Variants in WWOX observed in about 807,000 individuals in gnomAD.
WWOX encodes WW domain-containing oxidoreductase.
In WWOX, 69 loss-of-function variants were observed where a neutral mutation model predicts 46.2. That is an observed-to-expected ratio of 1.49 (90% CI 1.23 to 1.82). The LOEUF (loss-of-function observed/expected upper bound fraction) is 1.82. Among genes scored for constraint, WWOX ranks in the 40% most tolerant of loss-of-function variants. The pLI is 0.00. For missense variants in WWOX, 919 were observed against 542.6 expected (o/e 1.69, Z -6.89); for synonymous variants, 359 against 202.6 (o/e 1.77, Z -6.56).
rs553334544 is a variant in WWOX at position 78,211,255 on chromosome 16, C to T, written c.516+46966C>T. On this transcript the variant is annotated intron_variant, in intron 5 of 8. Transcript: ENST00000566780. ...CTTCTCAAGAAGGCGATGGTAGAAC[C>T]GCTGGAGACTTCTTATGGCTGTGGC... is the stretch of plus-strand genomic sequence containing the variant. Among the ~76,000 whole-genome samples the T allele has an allele frequency of 3.3e-5, 5 of 152,262 alleles. No homozygotes were observed. The East Asian group carries it at 5.8e-4, about 18-fold the overall frequency.
chr16:78,466,032 G>T (rs186510059), intron 8 of WWOX, among the ~76,000 whole-genome samples: 1,813 of 131,442 alleles, frequency 0.014, 42 homozygotes, highest in African/African-American at 0.062. Flanking sequence ...GTTTTTTTTG[G>T]TTTTTTGTTT....
intron 8 of WWOX, among the ~76,000 whole-genome samples, chr16:78,484,412 C>G (rs769862502): frequency 6.6e-6 from 1 of 151,930 alleles, no homozygotes; most frequent in East Asian, 1.9e-4. Flanking sequence ...TTGAATTGGT[C>G]GATATACTCT....
intron 8 of WWOX, among the ~76,000 whole-genome samples, chr16:78,993,340 T>C (rs1258697828): frequency 6.6e-6 from 1 of 152,170 alleles, no homozygotes; most frequent in Admixed American, 6.5e-5. Context: ...ATGTTTTATA[T>C]CTTGAATATT....
chr16:78,708,840 G>C (rs949452832), intron 8 of WWOX, among the ~76,000 whole-genome samples: 1 of 152,170 alleles, frequency 6.6e-6, no homozygotes, highest in East Asian at 1.9e-4. Context: ...TTTTCACAGC[G>C]CCCAGCAAAG....
chr16:78,396,547 A>G (rs1361317298), intron 6 of WWOX, among the ~76,000 whole-genome samples: 1 of 152,036 alleles, frequency 6.6e-6, no homozygotes, highest in Non-Finnish European at 1.5e-5. Context: ...AGATACAATT[A>G]CCCCAGGGTT....
chr16:78,403,660 CCT>C (rs1380793208), intron 6 of WWOX, among the ~76,000 whole-genome samples: 3 of 152,206 alleles, frequency 2.0e-5, no homozygotes, highest in African/African-American at 7.2e-5. Flanking sequence ...AGTCATCCCC[CCT>C]GTGCCAGGCC....
intron 8 of WWOX, among the ~76,000 whole-genome samples, chr16:79,166,708 G>A (rs1191266688): frequency 2.0e-5 from 3 of 152,120 alleles, no homozygotes; most frequent in Non-Finnish European, 2.9e-5. Context: ...CCTCAAGACC[G>A]CTGAACTACC....
At chr16:79,017,525 G>T (rs1047455107) in intron 8 of WWOX, 1 of 148,438 alleles carries the variant, frequency 6.7e-6, no homozygotes, top group Non-Finnish European at 1.5e-5. Context: ...TAAAGGACCA[G>T]AGAGTATATA....
At chr16:78,677,174 A>G (rs941971030) in intron 8 of WWOX, among the ~76,000 whole-genome samples, 1 of 152,112 alleles carries the variant, frequency 6.6e-6, no homozygotes, top group Admixed American at 6.5e-5. Context: ...TCCCCTGGGC[A>G]GGTGCATGAG....
intron 8 of WWOX, among the ~76,000 whole-genome samples, chr16:78,473,154 G>A (rs560943772): frequency 1.9e-4 from 29 of 152,314 alleles, no homozygotes; most frequent in African/African-American, 6.5e-4. Flanking sequence ...CTTTGAGACC[G>A]AGTCTCACTC....
chr16:78,456,493 T>G (rs967587060), intron 8 of WWOX, among the ~76,000 whole-genome samples: 1 of 152,260 alleles, frequency 6.6e-6, no homozygotes, highest in African/African-American at 2.4e-5. Flanking sequence ...TTTGGTTTGC[T>G]GTCTTAAGCA....
chr16:78,387,194 C>A (rs548580040), intron 6 of WWOX, among the ~76,000 whole-genome samples: 2 of 152,136 alleles, frequency 1.3e-5, no homozygotes, highest in South Asian at 4.1e-4. Context: ...TATTAAAGCA[C>A]TAGTAAAAGT....
chr16:78,955,098 G>C (rs963658998), intron 8 of WWOX, among the ~76,000 whole-genome samples: 7 of 152,164 alleles, frequency 4.6e-5, no homozygotes, highest in African/African-American at 9.7e-5. Context: ...TCCGCAGAGA[G>C]AAAGTGACAG....
intron 4 of WWOX, among the ~76,000 whole-genome samples, chr16:78,144,508 T>TATATATACACACACACACACAC (rs2034127182): frequency 2.7e-5 from 1 of 37,050 alleles, no homozygotes; most frequent in African/African-American, 9.8e-5. Flanking sequence ...CACATATATA[T>TATATATACACACACACACACAC]ATATATATAT....
intron 5 of WWOX, among the ~76,000 whole-genome samples, chr16:78,313,571 G>A (rs899786868): frequency 1.3e-5 from 2 of 152,134 alleles, no homozygotes; most frequent in African/African-American, 4.8e-5. Flanking sequence ...TCTCCATGTT[G>A]GTCAGGCTGG....
At chr16:78,881,994 C>T (rs749801225) in intron 8 of WWOX, among the ~76,000 whole-genome samples, 4 of 151,952 alleles carry the variant, frequency 2.6e-5, no homozygotes, top group East Asian at 1.9e-4. Context: ...GGTGTGGTGG[C>T]GCATGCCTGT....
At chr16:78,759,616 A>T (rs911145253) in intron 8 of WWOX, among the ~76,000 whole-genome samples, 33 of 152,194 alleles carry the variant, frequency 2.2e-4, no homozygotes, top group African/African-American at 8.0e-4. Flanking sequence ...AGAAATGGCA[A>T]CACAGGGATG....
chr16:78,190,135 G>T (rs896832900), intron 5 of WWOX, among the ~76,000 whole-genome samples: 3 of 152,218 alleles, frequency 2.0e-5, no homozygotes, highest in African/African-American at 7.2e-5. Flanking sequence ...GTTATGGTCT[G>T]TTACATCCTT....
chr16:78,789,347 A>G (rs979582287), intron 8 of WWOX, among the ~76,000 whole-genome samples: 1 of 152,194 alleles, frequency 6.6e-6, no homozygotes. Context: ...TAGGCATTCA[A>G]CTTTGTTCTT....
Sources: allele counts gnomAD v4.1 joint callset (sites outside exome capture counted in the v4.1 genomes callset), GRCh38; gene constraint gnomAD v4.1.1; transcripts MANE v1.5; gene names NCBI Gene and HGNC (gene_info 2026-07-23, HGNC 2026-07-21).